Variants in HM13 observed in about 807,000 individuals in gnomAD.
The protein encoded by HM13 is signal peptide peptidase.
In HM13, 18 loss-of-function variants were observed where a neutral mutation model predicts 50.0. The ratio of observed to expected loss-of-function variants is 0.36; its 90% CI spans 0.25 to 0.53. The LOEUF (loss-of-function observed/expected upper bound fraction) is 0.53. Among genes scored for constraint, HM13 ranks in the 20% least tolerant of loss-of-function variants. HM13 has a pLI of 0.90. For synonymous variants in HM13, 197 were observed against 232.6 expected (o/e 0.85, Z 1.39); for missense variants, 393 against 552.4 (o/e 0.71, Z 2.89).
At chr20:31,539,369 G>A in intron 3 of HM13, 1 of 985,506 alleles carries the variant, frequency 1.0e-6, no homozygotes, top group Non-Finnish European at 1.2e-6. Context: ...TTCCCAGAAG[G>A]AAGGAACTCA....
intron 10 of HM13, among the ~76,000 whole-genome samples, chr20:31,563,673 G>T (rs1984742153): frequency 6.6e-6 from 1 of 152,042 alleles, no homozygotes; most frequent in Admixed American, 6.6e-5. Context: ...AAGCAGTATT[G>T]ATCACAGCCC....
Position 31,569,106 on chromosome 20 carries a change from T to G in HM13, c.1182-14T>G, listed in dbSNP as rs746553199. 14 of 1,495,094 alleles carry G rather than the reference T, an allele frequency of 9.4e-6. No individual in the cohort carries two copies. Among genetic ancestry groups the G allele is most frequent in the Non-Finnish European group, 9.9e-6 (11 of 1,114,368 alleles). 92.6% of individuals were successfully genotyped at this position (1,495,094 alleles called of 1,614,324 possible). A position where few individuals can be genotyped will look rare whatever the true frequency, so the allele number is the denominator to read the frequency against. ...TAAATGAATTTTTATTGTTGTTTTTTTTTTTTTGGTCAGTTATGAGGAGTC... is the reference window on the plus strand; with the variant it reads ...TAAATGAATTTTTATTGTTGTTTTTGTTTTTTTGGTCAGTTATGAGGAGTC... On this transcript the variant is annotated splice_polypyrimidine_tract_variant and intron_variant, in intron 12 of 12. Coordinates refer to ENST00000398174, the MANE Select transcript of HM13 (RefSeq NM_178581.3).
At chr20:31,539,423 G>A (rs180811602) in intron 3 of HM13, 11 of 985,480 alleles carry the variant, frequency 1.1e-5, no homozygotes, top group Admixed American at 1.2e-4. Context: ...CCTGGAAGAC[G>A]TACAAAGGAG....
At chr20:31,556,013 T>C (rs1311863771) in intron 8 of HM13, among the ~76,000 whole-genome samples, 1 of 150,626 alleles carries the variant, frequency 6.6e-6, no homozygotes. Context: ...AGACCATATA[T>C]ATATATAAAA....
chr20:31,525,759 CA>C (rs111873600), intron 1 of HM13, among the ~76,000 whole-genome samples: 1,541 of 137,040 alleles, frequency 0.011, 23 homozygotes, highest in Admixed American at 0.023. Flanking sequence ...AAATTTATAC[CA>C]AAAAAAAAAG....
intron 1 of HM13, among the ~76,000 whole-genome samples, chr20:31,515,279 C>T (rs190250118): frequency 1.9e-4 from 29 of 152,324 alleles, no homozygotes; most frequent in Admixed American, 4.6e-4. Context: ...TCACCTAGAT[C>T]CCCCACACCT....
intron 1 of HM13, among the ~76,000 whole-genome samples, chr20:31,518,174 T>C (rs559416698): frequency 6.6e-6 from 1 of 151,786 alleles, no homozygotes; most frequent in African/African-American, 2.4e-5. Flanking sequence ...TAGCTGGGAT[T>C]ACAGGCTGGC....
At chr20:31,526,168 T>C (rs1296025120) in intron 1 of HM13, among the ~76,000 whole-genome samples, 2 of 152,014 alleles carry the variant, frequency 1.3e-5, no homozygotes, top group African/African-American at 4.8e-5. Flanking sequence ...TCCTTTTTTT[T>C]TTTTTTTAGA....
intron 8 of HM13, 85 bp downstream of exon 8, chr20:31,554,914 T>C: frequency 3.6e-6 from 4 of 1,121,536 alleles, no homozygotes; most frequent in Non-Finnish European, 5.4e-6. Flanking sequence ...ACAGACAGGC[T>C]TACCAGCTGA....
intron 10 of HM13, 115 bp from the exon 11 acceptor site, chr20:31,566,095 G>A (rs1483522077): frequency 8.1e-6 from 6 of 739,508 alleles, no homozygotes; most frequent in East Asian, 2.6e-5. Flanking sequence ...ACTTGCTATG[G>A]TCCTGGACCA....
At chr20:31,551,266 C>T (rs533205990) in intron 7 of HM13, among the ~76,000 whole-genome samples, 38 of 152,218 alleles carry the variant, frequency 2.5e-4, no homozygotes, top group Admixed American at 2.5e-3. Context: ...GAGTTAATGA[C>T]CCTCTCTTCA....
chr20:31,560,837 T>C (rs972608427), intron 9 of HM13, among the ~76,000 whole-genome samples: 26 of 152,220 alleles, frequency 1.7e-4, no homozygotes, highest in African/African-American at 6.3e-4. Context: ...AGCCGAAGGC[T>C]TAGAAGCACC....
chr20:31,559,537 C>G (rs1396470973), intron 8 of HM13, 74 bp from the exon 9 acceptor site: 10 of 1,465,392 alleles, frequency 6.8e-6, no homozygotes, highest in Non-Finnish European at 9.6e-6. Flanking sequence ...GGTTGGGGAC[C>G]AGGACCCAGT....
chr20:31,564,452 C>T (rs987348552), intron 10 of HM13, among the ~76,000 whole-genome samples: 13 of 152,126 alleles, frequency 8.5e-5, no homozygotes, highest in African/African-American at 2.9e-4. Flanking sequence ...AGGCGCACAC[C>T]TGTAGGCCCA....
At chr20:31,520,177 A>G (rs1264182570) in intron 1 of HM13, among the ~76,000 whole-genome samples, 2 of 151,456 alleles carry the variant, frequency 1.3e-5, no homozygotes, top group Non-Finnish European at 2.9e-5. Flanking sequence ...ATTTAGATAG[A>G]TTTTACCATA....
At chr20:31,537,001 C>T (rs1983154035) in intron 2 of HM13, among the ~76,000 whole-genome samples, 1 of 152,252 alleles carries the variant, frequency 6.6e-6, no homozygotes, top group African/African-American at 2.4e-5. Context: ...TAGGACAATG[C>T]CTTGCACGTA....
intron 10 of HM13, chr20:31,563,079 T>G (rs1335544170): frequency 6.6e-6 from 1 of 152,302 alleles, no homozygotes; most frequent in Non-Finnish European, 1.5e-5. Flanking sequence ...ACAGGAGTCC[T>G]CTCCTTTATC....
In HM13 at chr20:31,567,012, A is replaced by G. The variant is rs557374964; in HGVS notation, c.1034+717A>G. Among the ~76,000 whole-genome samples, 38 of 152,162 alleles carry G rather than the reference A, an allele frequency of 2.5e-4. No individual in the cohort carries two copies. In the South Asian group the frequency reaches 7.7e-3, roughly 31 times the overall value. ...CCCAGTTCCACCTGCCTGGCCTCCA[A>G]GCTGTCCCTAGAGCGCTTGCCAGGG... On this transcript the variant is annotated intron_variant, in intron 11 of 12. Transcript: ENST00000398174.
At chr20:31,558,069 G>C (rs1433966293) in intron 8 of HM13, among the ~76,000 whole-genome samples, 2 of 152,260 alleles carry the variant, frequency 1.3e-5, no homozygotes, top group African/African-American at 4.8e-5. Flanking sequence ...AGCCCAGTAA[G>C]GGAGGCGACA....
Sources: allele counts gnomAD v4.1 joint callset (sites outside exome capture counted in the v4.1 genomes callset), GRCh38; gene constraint gnomAD v4.1.1; transcripts MANE v1.5; gene names NCBI Gene and HGNC (gene_info 2026-07-23, HGNC 2026-07-21).